FGD4: variants seen among roughly 807,000 people sequenced by gnomAD.
FGD4 encodes the protein FYVE, RhoGEF and PH domain-containing protein 4.
A neutral mutation model predicts 102.0 loss-of-function variants in FGD4; 42 were observed. That is an observed-to-expected ratio of 0.41 (90% CI 0.32 to 0.53). The LOEUF (loss-of-function observed/expected upper bound fraction) is 0.53. Ranked by LOEUF, FGD4 falls within the 20% of genes least tolerant of loss-of-function variation. The probability of loss-of-function intolerance (pLI) is 0.21; values close to 1 mark genes in which losing one functional copy is unlikely to be tolerated. For synonymous variants in FGD4, 380 were observed against 375.7 expected, an observed-to-expected ratio of 1.01 and a Z score of -0.13; for missense variants, 902 against 1,078.2, an observed-to-expected ratio of 0.84 and a Z score of 2.29.
chr12:32,470,828 C>T (rs73090163), intron 1 of FGD4, among the ~76,000 whole-genome samples: 7,633 of 152,176 alleles, frequency 0.05, 288 homozygotes, highest in Non-Finnish European at 0.076. Flanking sequence ...TCCACATTCT[C>T]TTGTGAATTT....
At chr12:32,458,048 C>A (rs796948588) in intron 1 of FGD4, among the ~76,000 whole-genome samples, 1 of 150,146 alleles carries the variant, frequency 6.7e-6, no homozygotes, top group East Asian at 1.9e-4. Flanking sequence ...CTTGGGAGTA[C>A]GAGCCTGAAT....
intron 1 of FGD4, among the ~76,000 whole-genome samples, chr12:32,453,209 TATATATATATAATATAGATATATATA>T (rs1942842304): frequency 4.1e-5 from 2 of 48,842 alleles, no homozygotes; most frequent in Non-Finnish European, 1.1e-4. Flanking sequence ...ATTATATATA[TATATATATATAATATAGATATATATA>T]TATTTTTTTT....
intron 14 of FGD4, among the ~76,000 whole-genome samples, chr12:32,627,938 C>T (rs1165180926): frequency 2.0e-5 from 3 of 152,064 alleles, no homozygotes; most frequent in Admixed American, 6.6e-5. Flanking sequence ...TAGCGGACAT[C>T]TTGGGGGCAA....
At chr12:32,579,732 A>ACTCT (rs992597726) in intron 3 of FGD4, 1 of 152,232 alleles carries the variant, frequency 6.6e-6, no homozygotes, top group African/African-American at 2.4e-5. Flanking sequence ...AAGGGGGCAA[A>ACTCT]TCTCAACTGA....
intron 15 of FGD4, among the ~76,000 whole-genome samples, chr12:32,634,338 T>C (rs1950668607): frequency 6.6e-6 from 1 of 152,192 alleles, no homozygotes; most frequent in Non-Finnish European, 1.5e-5. Flanking sequence ...TAGATAAAAG[T>C]GCTATTACCT....
chr12:32,484,171 C>T (rs1311390553), intron 1 of FGD4, among the ~76,000 whole-genome samples: 2 of 152,106 alleles, frequency 1.3e-5, no homozygotes, highest in African/African-American at 2.4e-5. Flanking sequence ...TCAGTCTTGG[C>T]CTCAATTTTC....
At chr12:32,541,230 C>G (rs187189400) in intron 1 of FGD4, among the ~76,000 whole-genome samples, 107 of 152,262 alleles carry the variant, frequency 7.0e-4, no homozygotes, top group African/African-American at 2.5e-3. Context: ...CTGTTAGAAG[C>G]CTAACACACA....
At chr12:32,560,429 A>AT (rs902966820) in intron 1 of FGD4, among the ~76,000 whole-genome samples, 4 of 151,812 alleles carry the variant, frequency 2.6e-5, no homozygotes, top group East Asian at 1.9e-4. Flanking sequence ...TGTTTTTTGT[A>AT]TTTTTTTGAA....
intron 3 of FGD4, among the ~76,000 whole-genome samples, 167 bp downstream of exon 3, chr12:32,576,616 C>A (rs1185498873): frequency 1.3e-5 from 2 of 152,078 alleles, no homozygotes; most frequent in Non-Finnish European, 2.9e-5. Flanking sequence ...TTAATCTTAC[C>A]CTAATATGAA....
At chr12:32,434,958 T>G (rs535822784) in intron 1 of FGD4, among the ~76,000 whole-genome samples, 1 of 152,254 alleles carries the variant, frequency 6.6e-6, no homozygotes, top group Non-Finnish European at 1.5e-5. Flanking sequence ...TCTTTTTTTT[T>G]TCTTTTCTTT....
At chr12:32,534,334 T>A in intron 1 of FGD4, 1 of 1,422,598 alleles carries the variant, frequency 7.0e-7, no homozygotes, top group Non-Finnish European at 9.2e-7. Flanking sequence ...AGTGCATTGG[T>A]CTGAGCTCCT....
chr12:32,453,456 A>T (rs1299717830), intron 1 of FGD4, among the ~76,000 whole-genome samples: 1 of 151,438 alleles, frequency 6.6e-6, no homozygotes, highest in Non-Finnish European at 1.5e-5. Context: ...CTGGTGTCGA[A>T]CTCCTGGCCT....
At chr12:32,456,182 T>C (rs189327704) in intron 1 of FGD4, among the ~76,000 whole-genome samples, 132 of 152,310 alleles carry the variant, frequency 8.7e-4, no homozygotes, top group African/African-American at 3.0e-3. Context: ...CCTATAGTTA[T>C]TACTAAAAGC....
intron 14 of FGD4, among the ~76,000 whole-genome samples, chr12:32,632,940 G>A (rs1027118888): frequency 3.3e-5 from 5 of 152,010 alleles, no homozygotes; most frequent in Admixed American, 2.6e-4. Flanking sequence ...AAGAGTGGAG[G>A]CCTGTAAACC....
chr12:32,554,776 G>T (rs370476102), intron 1 of FGD4, among the ~76,000 whole-genome samples: 2 of 152,334 alleles, frequency 1.3e-5, no homozygotes, highest in Non-Finnish European at 1.5e-5. Context: ...CAAAATAATC[G>T]GGGGGAAGAA....
In FGD4 at chr12:32,428,471, A is replaced by T. The variant is rs577015434; in HGVS notation, c.166+28512A>T. Among the ~76,000 whole-genome samples, 3 of 151,964 alleles carry T rather than the reference A, an allele frequency of 2.0e-5. No homozygotes were observed. In the East Asian group the frequency reaches 5.8e-4, roughly 29 times the overall value. On this transcript the variant is annotated intron_variant, in intron 1 of 16. Coordinates refer to ENST00000534526, the MANE Select transcript of FGD4 (RefSeq NM_001370298.3). ...TGGGCTTTCCTTTGTGGGTAACCCA[A>T]CCTTTCTTTCTGTCTGCCCTTAACA... is the stretch of plus-strand genomic sequence containing the variant.
intron 3 of FGD4, 84 bp from the exon 4 acceptor site, chr12:32,581,876 C>G (rs1205516799): frequency 3.3e-6 from 5 of 1,505,402 alleles, no homozygotes; most frequent in Non-Finnish European, 3.7e-6. Flanking sequence ...GCGAATATCC[C>G]TTTTCAACTG....
intron 1 of FGD4, among the ~76,000 whole-genome samples, chr12:32,561,086 T>TG (rs1944533629): frequency 8.3e-6 from 1 of 120,862 alleles, no homozygotes; most frequent in Non-Finnish European, 1.8e-5. Context: ...TTTTTTTTTT[T>TG]TTTTTTTTTT....
chr12:32,518,124 TTGTGAAAGACTATCTGTCTAGGA>T (rs1389268325), intron 1 of FGD4, among the ~76,000 whole-genome samples: 9 of 152,214 alleles, frequency 5.9e-5, no homozygotes, highest in Admixed American at 3.3e-4. Flanking sequence ...TACAAGATTC[TTGTGAAAGACTATCTGTCTAGGA>T]ACATGACTAC....
Sources: allele counts gnomAD v4.1 joint callset (sites outside exome capture counted in the v4.1 genomes callset), GRCh38; gene constraint gnomAD v4.1.1; transcripts MANE v1.5; gene names NCBI Gene and HGNC (gene_info 2026-07-23, HGNC 2026-07-21).